SYT9: variants seen among roughly 807,000 people sequenced by gnomAD.
The protein encoded by SYT9 is synaptotagmin 9, also known as synaptotagmin-9.
Under a neutral mutation model 48.4 loss-of-function variants are expected in SYT9, and 22 were observed. The observed-to-expected ratio is 0.45, with a 90% CI of 0.32 to 0.65. The LOEUF (loss-of-function observed/expected upper bound fraction) is 0.65. Ranked by LOEUF, SYT9 falls within the 30% of genes least tolerant of loss-of-function variation. The pLI is 0.03. For synonymous variants in SYT9, 265 were observed against 245.0 expected, an observed-to-expected ratio of 1.08 and a Z score of -0.76; for missense variants, 577 against 622.0, an observed-to-expected ratio of 0.93 and a Z score of 0.77.
chr11:7,391,660 G>A (rs1351259138), intron 3 of SYT9, among the ~76,000 whole-genome samples: 5 of 142,152 alleles, frequency 3.5e-5, no homozygotes, highest in East Asian at 2.1e-4. Context: ...CAGCACTTTC[G>A]AAGGCCAAGG....
At position 7,416,188 on chromosome 11, in the gene SYT9, C is replaced by T. The variant is rs561511880; in HGVS notation, c.1165+26C>T. On this transcript the variant is annotated intron_variant, in intron 4 of 6. Coordinates refer to ENST00000318881, the MANE Select transcript of SYT9 (RefSeq NM_175733.4). ...GTGGGGCATTTTCAAATTCAGACTT[C>T]CTCATGCACTTCTACTGTAGTAAGT... 219 of 1,613,632 alleles carry T rather than the reference C, an allele frequency of 1.4e-4. 3 individuals are homozygous for T. The South Asian group carries it at 2.2e-3, about 16-fold the overall frequency.
intron 2 of SYT9, among the ~76,000 whole-genome samples, chr11:7,308,831 G>T (rs933499028): frequency 6.6e-6 from 1 of 152,102 alleles, no homozygotes; most frequent in Non-Finnish European, 1.5e-5. Context: ...TTGCCATTAC[G>T]TCCTGTCTCT....
intron 3 of SYT9, among the ~76,000 whole-genome samples, chr11:7,369,124 C>T (rs552758006): frequency 3.9e-5 from 6 of 152,230 alleles, no homozygotes; most frequent in Non-Finnish European, 8.8e-5. Context: ...TCCTATTTCT[C>T]CACATCCTCT....
intron 6 of SYT9, among the ~76,000 whole-genome samples, chr11:7,423,310 C>T (rs1392128832): frequency 6.6e-6 from 1 of 152,120 alleles, no homozygotes; most frequent in Non-Finnish European, 1.5e-5. Context: ...GGCAATGGTA[C>T]CAGATGAGAT....
chr11:7,330,310 G>A (rs377441152), intron 3 of SYT9, among the ~76,000 whole-genome samples: 10 of 152,086 alleles, frequency 6.6e-5, no homozygotes, highest in African/African-American at 9.7e-5. Flanking sequence ...AAAAATCTAC[G>A]TACTGCATAT....
chr11:7,326,111 A>G (rs1255162487), intron 3 of SYT9, among the ~76,000 whole-genome samples: 314 of 10,036 alleles, frequency 0.031, 1 homozygote, highest in African/African-American at 0.052. Flanking sequence ...TTGGTATCAG[A>G]ATGATGCTGG....
chr11:7,408,647 T>C (rs1380198544), intron 3 of SYT9, among the ~76,000 whole-genome samples: 1 of 152,232 alleles, frequency 6.6e-6, no homozygotes, highest in Non-Finnish European at 1.5e-5. Flanking sequence ...ATTATCAGTA[T>C]ATAGAAATGC....
intron 3 of SYT9, among the ~76,000 whole-genome samples, chr11:7,362,939 A>T (rs1303255402): frequency 9.1e-5 from 6 of 65,912 alleles, no homozygotes; most frequent in Admixed American, 4.2e-4. Context: ...TCTTCTTGCC[A>T]TTTATTGGCC....
At chr11:7,240,476 A>G (rs1234301925) in intron 1 of SYT9, among the ~76,000 whole-genome samples, 1 of 152,248 alleles carries the variant, frequency 6.6e-6, no homozygotes, top group Non-Finnish European at 1.5e-5. Context: ...AATATATGCA[A>G]GACATTTTCC....
chr11:7,290,548 T>C (rs10839760), intron 1 of SYT9, among the ~76,000 whole-genome samples: 23,549 of 152,164 alleles, frequency 0.15, 2,261 homozygotes, highest in Non-Finnish European at 0.21. Flanking sequence ...TCTTAATGCC[T>C]ATTGTATATG....
At chr11:7,397,443 T>A (rs1357507312) in intron 3 of SYT9, among the ~76,000 whole-genome samples, 2 of 152,206 alleles carry the variant, frequency 1.3e-5, no homozygotes, top group African/African-American at 4.8e-5. Context: ...CTAAATCTCA[T>A]AATCCAGTAG....
At chr11:7,360,612 C>G (rs896679079) in intron 3 of SYT9, among the ~76,000 whole-genome samples, 5 of 152,084 alleles carry the variant, frequency 3.3e-5, no homozygotes, top group East Asian at 1.9e-4. Flanking sequence ...CTCTTTGAAG[C>G]AATTGTGAAT....
At chr11:7,403,018 C>A (rs1846927103) in intron 3 of SYT9, among the ~76,000 whole-genome samples, 1 of 151,914 alleles carries the variant, frequency 6.6e-6, no homozygotes, top group Non-Finnish European at 1.5e-5. Context: ...CTTATCTAAT[C>A]TTAATTATTT....
intron 3 of SYT9, among the ~76,000 whole-genome samples, chr11:7,397,511 T>G (rs920483970): frequency 6.6e-6 from 1 of 152,172 alleles, no homozygotes; most frequent in African/African-American, 2.4e-5. Context: ...CTAGGTTCTT[T>G]GCATTTTCAT....
chr11:7,388,565 T>G, intron 3 of SYT9, among the ~76,000 whole-genome samples: 1 of 152,188 alleles, frequency 6.6e-6, no homozygotes, highest in East Asian at 1.9e-4. Flanking sequence ...AGATAAATGA[T>G]TTGATCACTG....
At chr11:7,297,577 C>A (rs1589923457) in intron 1 of SYT9, among the ~76,000 whole-genome samples, 1 of 152,226 alleles carries the variant, frequency 6.6e-6, no homozygotes, top group African/African-American at 2.4e-5. Context: ...CCAGGCCGGA[C>A]TGGCCCCTCT....
chr11:7,288,722 T>G (rs953348514), intron 1 of SYT9, among the ~76,000 whole-genome samples: 5 of 152,012 alleles, frequency 3.3e-5, no homozygotes, highest in African/African-American at 1.2e-4. Flanking sequence ...CTGATGCTGC[T>G]CCTGTTTTCT....
intron 3 of SYT9, among the ~76,000 whole-genome samples, chr11:7,388,356 C>CA (rs1186882661): frequency 1.3e-5 from 2 of 152,130 alleles, no homozygotes; most frequent in African/African-American, 4.8e-5. Flanking sequence ...TCAACCATGA[C>CA]ATGGTTATTC....
At chr11:7,413,926 G>A (rs150435629) in intron 3 of SYT9, among the ~76,000 whole-genome samples, 156 of 152,168 alleles carry the variant, frequency 1.0e-3, no homozygotes, top group African/African-American at 3.5e-3. Context: ...GTACAAATAT[G>A]GACTTTTGCC....
Sources: allele counts gnomAD v4.1 joint callset (sites outside exome capture counted in the v4.1 genomes callset), GRCh38; gene constraint gnomAD v4.1.1; transcripts MANE v1.5; gene names NCBI Gene and HGNC (gene_info 2026-07-23, HGNC 2026-07-21).